The following EFCAB3 variants were observed in gnomAD, a reference collection of about 807,000 sequenced individuals.
EFCAB3 encodes EF-hand calcium-binding domain-containing protein 3.
In EFCAB3, 36 loss-of-function variants were observed where a neutral mutation model predicts 42.2. The observed-to-expected ratio is 0.85, with a 90% CI of 0.65 to 1.13. The LOEUF is 1.13. Among genes scored for constraint, EFCAB3 ranks in the 50% most tolerant of loss-of-function variants. The pLI, the probability that EFCAB3 is intolerant of heterozygous loss-of-function variation, is 0.00. For missense variants in EFCAB3, 418 were observed against 505.1 expected (o/e 0.83, Z 1.65); for synonymous variants, 170 against 172.8 (o/e 0.98, Z 0.13).
At chr17:62,414,785 G>A (rs3863510) in intron 9 of EFCAB3, among the ~76,000 whole-genome samples, 146,429 of 152,118 alleles carry the variant, frequency 0.96, 70,738 homozygotes, top group East Asian at 1. Flanking sequence ...CTAATCCCCA[G>A]GTCTGGCTGA....
chr17:62,379,563 A>T (rs1355099910), upstream of EFCAB3, among the ~76,000 whole-genome samples: 2 of 152,142 alleles, frequency 1.3e-5, no homozygotes, highest in Admixed American at 6.6e-5. Flanking sequence ...TACCAAGCTT[A>T]AAAAGATTAG....
chr17:62,383,153 A>T, intron 2 of EFCAB3, 100 bp downstream of exon 2: 1 of 1,129,860 alleles, frequency 8.9e-7, no homozygotes, highest in Admixed American at 2.6e-5. Context: ...TCCGATCTTT[A>T]CTGGGAAGCC....
At chr17:62,415,090 C>T (rs2070533584) in intron 9 of EFCAB3, among the ~76,000 whole-genome samples, 1 of 150,702 alleles carries the variant, frequency 6.6e-6, no homozygotes, top group Non-Finnish European at 1.5e-5. Flanking sequence ...GGCAACAGGG[C>T]AAGACTCCGT....
intron 4 of EFCAB3, among the ~76,000 whole-genome samples, chr17:62,392,799 G>A (rs1180319873): frequency 1.3e-5 from 2 of 151,808 alleles, no homozygotes; most frequent in Non-Finnish European, 1.5e-5. Flanking sequence ...CACCATGCCC[G>A]GCTAATTTTT....
At chr17:62,405,621 C>T (rs2070440911) in intron 6 of EFCAB3, among the ~76,000 whole-genome samples, 1 of 152,234 alleles carries the variant, frequency 6.6e-6, no homozygotes, top group South Asian at 2.1e-4. Context: ...GAGAAGTCCA[C>T]TGTTCTGGCA....
At chr17:62,385,392 C>T (rs897795760) in intron 2 of EFCAB3, among the ~76,000 whole-genome samples, 2 of 152,032 alleles carry the variant, frequency 1.3e-5, no homozygotes, top group Non-Finnish European at 2.9e-5. Flanking sequence ...CAGTGAGCCA[C>T]GATCACATCA....
intron 1 of EFCAB3, among the ~76,000 whole-genome samples, chr17:62,381,135 C>A (rs1226212172): frequency 6.8e-6 from 1 of 147,900 alleles, no homozygotes; most frequent in Admixed American, 6.7e-5. Flanking sequence ...TCTCCTAATG[C>A]TATCCCTCCC....
intron 6 of EFCAB3, among the ~76,000 whole-genome samples, chr17:62,403,364 T>C (rs2070420846): frequency 6.6e-6 from 1 of 152,204 alleles, no homozygotes; most frequent in South Asian, 2.1e-4. Flanking sequence ...GTCACTATCT[T>C]CTTGGACTTA....
At chr17:62,371,959 G>A (rs1287742733) in intron 1 of EFCAB3, among the ~76,000 whole-genome samples, 3 of 152,088 alleles carry the variant, frequency 2.0e-5, no homozygotes, top group Admixed American at 6.5e-5. Context: ...CATTCAGCCT[G>A]GCCTTGAATT....
At position 62,406,566 on chromosome 17, in the gene EFCAB3, C is replaced by T; in HGVS notation, c.575C>T (p.Pro192Leu). The T allele has an allele frequency of 1.9e-6, 3 of 1,613,998 alleles. No homozygotes were observed. Among genetic ancestry groups the T allele is most frequent in the Non-Finnish European group, 2.5e-6 (3 of 1,179,998 alleles). Residue 192 changes from proline to leucine, a missense_variant, in exon 7 of 10, where the codon CCA becomes CTA. Coordinates refer to ENST00000305286, the MANE Select transcript of EFCAB3 (RefSeq NM_173503.4). The part of the protein sequence containing the change: ...TMGYGKRTLK[P>L]DICTPPSSSM... ...GGCTATGGAAAAAGGACACTTAAGC[C>T]AGACATATGCACACCTCCAAGCTCA...
chr17:62,393,135 A>G (rs1374214586), intron 4 of EFCAB3, among the ~76,000 whole-genome samples: 3 of 152,120 alleles, frequency 2.0e-5, no homozygotes, highest in Non-Finnish European at 4.4e-5. Flanking sequence ...CTGTGTCAAA[A>G]TTTTCTATTA....
intron 4 of EFCAB3, 135 bp downstream of exon 4, chr17:62,392,100 A>G (rs2070308189): frequency 2.0e-6 from 1 of 510,936 alleles, no homozygotes; most frequent in Non-Finnish European, 2.9e-6. Flanking sequence ...ATTTGTGTGT[A>G]TATATATATT....
intron 3 of EFCAB3, among the ~76,000 whole-genome samples, chr17:62,389,206 G>A (rs1466328386): frequency 6.6e-6 from 1 of 152,212 alleles, no homozygotes; most frequent in Non-Finnish European, 1.5e-5. Flanking sequence ...TGTAAGGGCT[G>A]TCCCTAGTTG....
rs774721212 is a variant in EFCAB3 at position 62,393,590 on chromosome 17, T to G, written c.313T>G (p.Phe105Val). The G allele has an allele frequency of 6.2e-7, 1 of 1,614,080 alleles. No homozygotes were observed. The highest frequency in any genetic ancestry group is 1.1e-5 in the South Asian group (1 of 91,060). The change falls in exon 5 of 10, where the codon TTC becomes GTC. Residue 105 changes from phenylalanine to valine, a missense_variant. Coordinates refer to ENST00000305286, the MANE Select transcript of EFCAB3 (RefSeq NM_173503.4). ...TGTTGCAGGAGATGGGAAGGTGAAC[T>G]TCTCAGACTTTATCAAGGTTCTAAC... ...ADIDRDGKVN[F>V]SDFIKVLTDK...
At chr17:62,383,516 T>C (rs932297274) in intron 2 of EFCAB3, among the ~76,000 whole-genome samples, 1 of 152,132 alleles carries the variant, frequency 6.6e-6, no homozygotes, top group African/African-American at 2.4e-5. Context: ...AAGATTATGA[T>C]GAAACAATTA....
intron 6 of EFCAB3, among the ~76,000 whole-genome samples, chr17:62,405,266 T>A (rs2070438293): frequency 6.6e-6 from 1 of 152,218 alleles, no homozygotes; most frequent in Non-Finnish European, 1.5e-5. Flanking sequence ...GAAGAAAGTA[T>A]CTGATCATAA....
At chr17:62,413,644 A>G in intron 8 of EFCAB3, 88 bp from the exon 9 acceptor site, 1 of 1,104,570 alleles carries the variant, frequency 9.1e-7, no homozygotes, top group Non-Finnish European at 1.2e-6. Context: ...ATCCTTCTAT[A>G]ATAAAATATA....
chr17:62,376,090 T>C (rs1266268459), upstream of EFCAB3, among the ~76,000 whole-genome samples: 1 of 152,202 alleles, frequency 6.6e-6, no homozygotes, highest in Admixed American at 6.5e-5. Flanking sequence ...AAAATTTAGA[T>C]GTTTTAAAGT....
intron 6 of EFCAB3, 60 bp from the exon 7 acceptor site, chr17:62,406,420 T>C: frequency 7.0e-7 from 1 of 1,436,152 alleles, no homozygotes; most frequent in Non-Finnish European, 9.3e-7. Context: ...AACTTGACTT[T>C]TTAAAATTTT....
Sources: allele counts gnomAD v4.1 joint callset (sites outside exome capture counted in the v4.1 genomes callset), GRCh38; gene constraint gnomAD v4.1.1; transcripts MANE v1.5; gene names NCBI Gene and HGNC (gene_info 2026-07-23, HGNC 2026-07-21).